Variants in MBTD1 observed in about 807,000 individuals in gnomAD.
MBTD1 encodes mbt domain containing 1, also known as MBT domain-containing protein 1.
In MBTD1, 24 loss-of-function variants were observed where a neutral mutation model predicts 87.8. The ratio of observed to expected loss-of-function variants is 0.27; its 90% CI spans 0.20 to 0.38. MBTD1 has a LOEUF of 0.38. Ranked by LOEUF, MBTD1 falls within the 10% of genes least tolerant of loss-of-function variation. The pLI is 1.00. For missense variants in MBTD1, 436 were observed against 760.2 expected (o/e 0.57, Z 5.02); for synonymous variants, 237 against 248.6 (o/e 0.95, Z 0.44).
intron 2 of MBTD1, among the ~76,000 whole-genome samples, chr17:51,225,656 C>G (rs2053172110): frequency 6.6e-6 from 1 of 152,066 alleles, no homozygotes; most frequent in African/African-American, 2.4e-5. Context: ...CTCCCTGCCT[C>G]AAGGGATGTC....
At chr17:51,239,754 C>T (rs1220787464) in intron 2 of MBTD1, among the ~76,000 whole-genome samples, 1 of 150,038 alleles carries the variant, frequency 6.7e-6, no homozygotes. Context: ...CCCCTGGAAG[C>T]AAAAAACAAA....
chr17:51,201,352 C>T (rs1456806074), intron 12 of MBTD1, among the ~76,000 whole-genome samples: 1 of 152,154 alleles, frequency 6.6e-6, no homozygotes, highest in Admixed American at 6.5e-5. Flanking sequence ...AATATTTTTC[C>T]TCTAAATTAG....
Position 51,187,878 on chromosome 17 carries a change from A to G in MBTD1, c.1768+4325T>C, listed in dbSNP as rs898037448. Among the ~76,000 whole-genome samples, 14 of 151,830 alleles carry G rather than the reference A, an allele frequency of 9.2e-5. No individual in the cohort carries two copies. In the South Asian group the frequency reaches 1.0e-3, roughly 11 times the overall value. ...AGAAAGAAAGAAAGAAAAAAAAAAA[A>G]AAAGCAAAGGGATCTTTATCTTTGT... On this transcript the variant is annotated intron_variant, in intron 16 of 16. Transcript: ENST00000586178.
At chr17:51,260,525 C>T (rs1026918239), upstream of MBTD1, 7 of 1,535,068 alleles carry the variant, frequency 4.6e-6, no homozygotes, top group East Asian at 2.3e-5. Flanking sequence ...CCGCGAGGGG[C>T]CTGGGCGCAT....
intron 2 of MBTD1, among the ~76,000 whole-genome samples, chr17:51,227,659 T>C (rs2053308035): frequency 6.6e-6 from 1 of 152,200 alleles, no homozygotes; most frequent in South Asian, 2.1e-4. Context: ...ACAGAAAATT[T>C]TGCCTTTCAG....
intron 2 of MBTD1, among the ~76,000 whole-genome samples, chr17:51,229,770 C>T (rs2053449095): frequency 6.6e-6 from 1 of 151,630 alleles, no homozygotes; most frequent in Admixed American, 6.6e-5. Flanking sequence ...ACGCCATTCT[C>T]CTGCCTCAGC....
chr17:51,245,464 T>C (rs1177740029), intron 2 of MBTD1, among the ~76,000 whole-genome samples: 1 of 152,164 alleles, frequency 6.6e-6, no homozygotes, highest in South Asian at 2.1e-4. Flanking sequence ...TGAAGCATGG[T>C]ACAGAAAAAT....
intron 7 of MBTD1, among the ~76,000 whole-genome samples, chr17:51,205,122 A>C (rs926616608): frequency 1.3e-5 from 2 of 152,208 alleles, no homozygotes; most frequent in Non-Finnish European, 2.9e-5. Context: ...AAACAGAAAA[A>C]GGCCAATATA....
At chr17:51,255,009 G>A (rs990957900) in intron 2 of MBTD1, among the ~76,000 whole-genome samples, 1 of 152,172 alleles carries the variant, frequency 6.6e-6, no homozygotes, top group Non-Finnish European at 1.5e-5. Context: ...CGGGCCAGGC[G>A]CAGTGGCTCA....
intron 2 of MBTD1, among the ~76,000 whole-genome samples, chr17:51,229,005 C>G (rs2053405024): frequency 6.7e-6 from 1 of 148,780 alleles, no homozygotes; most frequent in African/African-American, 2.5e-5. Context: ...AACAAACAAA[C>G]AAACAACAGA....
intron 1 of MBTD1, among the ~76,000 whole-genome samples, chr17:51,259,444 TC>T (rs1182051530): frequency 4.0e-5 from 6 of 150,814 alleles, no homozygotes; most frequent in African/African-American, 1.5e-4. Flanking sequence ...GAAACTGTGC[TC>T]CCCCTCCCCG....
chr17:51,199,695 C>T (rs2051348917), intron 12 of MBTD1, among the ~76,000 whole-genome samples: 1 of 152,114 alleles, frequency 6.6e-6, no homozygotes, highest in Admixed American at 6.5e-5. Flanking sequence ...CCCCCTCGGC[C>T]TGTTTTAAAT....
chr17:51,220,292 A>G (rs1004392460), intron 4 of MBTD1, 38 bp downstream of exon 4: 22 of 1,514,890 alleles, frequency 1.5e-5, no homozygotes, highest in Non-Finnish European at 2.0e-5. Context: ...AAGCCATAGA[A>G]ATAATGGATA....
At chr17:51,260,250 A>C (rs534702440), upstream of MBTD1, 135 of 447,728 alleles carry the variant, frequency 3.0e-4, no homozygotes, top group African/African-American at 2.4e-3. Context: ...GAAAAGCAGA[A>C]GTTCCATTCA....
intron 11 of MBTD1, 144 bp downstream of exon 11, chr17:51,201,878 A>C (rs1244236431): frequency 1.4e-6 from 1 of 702,060 alleles, no homozygotes; most frequent in Non-Finnish European, 2.4e-6. Flanking sequence ...ATTATAATAA[A>C]GAGTTGTGAC....
intron 6 of MBTD1, among the ~76,000 whole-genome samples, chr17:51,214,940 G>C: frequency 6.6e-6 from 1 of 152,160 alleles, no homozygotes; most frequent in East Asian, 1.9e-4. Flanking sequence ...TGTTTCGGAG[G>C]GGACAACCAG....
chr17:51,244,993 C>T (rs1007979042), intron 2 of MBTD1, among the ~76,000 whole-genome samples: 17 of 152,076 alleles, frequency 1.1e-4, no homozygotes, highest in Non-Finnish European at 2.9e-5. Flanking sequence ...CTCCGCCTCC[C>T]AGGTTCAAGT....
intron 2 of MBTD1, among the ~76,000 whole-genome samples, chr17:51,233,704 G>A (rs1239899678): frequency 6.6e-6 from 1 of 151,696 alleles, no homozygotes; most frequent in Admixed American, 6.6e-5. Context: ...GACCAAAATG[G>A]GGCATCCATA....
chr17:51,238,247 A>C (rs1213590787), intron 2 of MBTD1, among the ~76,000 whole-genome samples: 2 of 151,848 alleles, frequency 1.3e-5, no homozygotes, highest in Non-Finnish European at 2.9e-5. Flanking sequence ...TAAGGCTGTT[A>C]AAAAAATCTA....
Sources: gnomAD v4.1 joint callset for allele counts (sites outside exome capture counted in the v4.1 genomes callset) on GRCh38, gnomAD v4.1.1 for gene constraint, MANE v1.5 for transcripts, NCBI Gene and HGNC (gene_info 2026-07-23, HGNC 2026-07-21) for gene names.